The following TCF20 variants were observed in gnomAD, a reference collection of about 807,000 sequenced individuals.
TCF20 encodes SPRE-binding protein.
Under a neutral mutation model 148.6 loss-of-function variants are expected in TCF20, and 3 were observed. The observed-to-expected ratio is 0.02, with a 90% CI of 0.01 to 0.05. TCF20 has a LOEUF of 0.05. Ranked by LOEUF, TCF20 falls within the 10% of genes least tolerant of loss-of-function variation. The pLI, the probability that TCF20 is intolerant of heterozygous loss-of-function variation, is 1.00. For synonymous variants in TCF20, 1,049 were observed against 909.5 expected (o/e 1.15, Z -2.76); for missense variants, 2,350 against 2,429.3 (o/e 0.97, Z 0.69).
At chr22:42,249,075 T>C (rs1925150873) in intron 1 of TCF20, among the ~76,000 whole-genome samples, 1 of 152,208 alleles carries the variant, frequency 6.6e-6, no homozygotes, top group African/African-American at 2.4e-5. Flanking sequence ...GGTGAATTGC[T>C]GAGAGCTAGA....
intron 1 of TCF20, among the ~76,000 whole-genome samples, chr22:42,260,985 T>C (rs1470780895): frequency 1.3e-5 from 2 of 152,162 alleles, no homozygotes; most frequent in African/African-American, 2.4e-5. Flanking sequence ...TTCTATACTC[T>C]AAAAAGTTCC....
At chr22:42,180,718 A>G (rs1936728706) in intron 2 of TCF20, among the ~76,000 whole-genome samples, 1 of 152,216 alleles carries the variant, frequency 6.6e-6, no homozygotes, top group African/African-American at 2.4e-5. Flanking sequence ...AGCGCTCGCC[A>G]CGCTCAGACT....
intron 1 of TCF20, among the ~76,000 whole-genome samples, chr22:42,314,471 C>CGGCAGGCG (rs1033606630): frequency 4.6e-5 from 7 of 152,232 alleles, no homozygotes; most frequent in South Asian, 2.1e-4. Flanking sequence ...ATGCCTCCTG[C>CGGCAGGCG]GGCAGGCGGG....
intron 1 of TCF20, among the ~76,000 whole-genome samples, chr22:42,229,788 G>A (rs1923236029): frequency 6.6e-6 from 1 of 152,176 alleles, no homozygotes; most frequent in Admixed American, 6.5e-5. Context: ...GGCTCAGCTT[G>A]GTGATCTTGC....
chr22:42,173,710 C>A (rs1936273336), intron 3 of TCF20, among the ~76,000 whole-genome samples: 1 of 152,092 alleles, frequency 6.6e-6, no homozygotes. Flanking sequence ...CAGAGCAGTG[C>A]AGGCCTCTGG....
At chr22:42,303,023 G>A (rs971254527) in intron 1 of TCF20, among the ~76,000 whole-genome samples, 8 of 152,288 alleles carry the variant, frequency 5.3e-5, no homozygotes, top group East Asian at 1.9e-4. Context: ...TCCGCCTCCC[G>A]GGTTCAAGCA....
intron 1 of TCF20, among the ~76,000 whole-genome samples, chr22:42,324,969 T>G (rs529752574): frequency 8.0e-4 from 122 of 152,350 alleles, no homozygotes; most frequent in African/African-American, 2.9e-3. Context: ...ATCCCAAAAC[T>G]GGGTTCTCCC....
chr22:42,329,357 C>T (rs1175045246), intron 1 of TCF20, among the ~76,000 whole-genome samples: 1 of 152,234 alleles, frequency 6.6e-6, no homozygotes, highest in African/African-American at 2.4e-5. Flanking sequence ...AACGCACCTG[C>T]CAGGAGAATG....
chr22:42,274,662 A>G (rs1926732388), upstream of TCF20: 1 of 152,262 alleles, frequency 6.6e-6, no homozygotes, highest in South Asian at 2.1e-4. Flanking sequence ...ACAGGGTCCC[A>G]CAGAAACTTC....
In TCF20 at chr22:42,209,325, T is replaced by C. The variant is rs111617539; in HGVS notation, c.5655+326A>G. Reference sequence around the variant, plus strand: ...AGAGAAAGAAATGAAGATGATGATGTTGATGATCTGCCCCAGGATAAGTTA... The same window carrying C: ...AGAGAAAGAAATGAAGATGATGATGCTGATGATCTGCCCCAGGATAAGTTA... On this transcript the variant is annotated intron_variant, in intron 2 of 5. Coordinates refer to ENST00000677622, the MANE Select transcript of TCF20 (RefSeq NM_001378418.1). Among the ~76,000 whole-genome samples the C allele has an allele frequency of 1.3e-4, 20 of 152,346 alleles. 1 individual carries two copies. The highest frequency in any genetic ancestry group is 4.3e-4 in the African/African-American group (18 of 41,586).
At chr22:42,176,381 G>T (rs553589969) in intron 3 of TCF20, among the ~76,000 whole-genome samples, 88 of 152,194 alleles carry the variant, frequency 5.8e-4, no homozygotes, top group African/African-American at 1.9e-3. Flanking sequence ...GGAAGGAAGG[G>T]GGGGGCAGGA....
intron 3 of TCF20, among the ~76,000 whole-genome samples, chr22:42,177,496 C>T (rs1936521712): frequency 6.6e-6 from 1 of 152,218 alleles, no homozygotes; most frequent in Non-Finnish European, 1.5e-5. Context: ...AAAACACCCA[C>T]TGAAGGGACT....
At chr22:42,308,754 G>T (rs1249095423) in intron 1 of TCF20, among the ~76,000 whole-genome samples, 1 of 152,120 alleles carries the variant, frequency 6.6e-6, no homozygotes, top group Non-Finnish European at 1.5e-5. Context: ...ACAGGGGAGG[G>T]AGATCCTCCC....
At chr22:42,307,786 C>T (rs557905766) in intron 1 of TCF20, among the ~76,000 whole-genome samples, 22 of 152,336 alleles carry the variant, frequency 1.4e-4, no homozygotes, top group African/African-American at 3.1e-4. Flanking sequence ...CTCTGAGCCT[C>T]GGTCTCTTCA....
chr22:42,163,630 G>A (rs974631676), intron 5 of TCF20, among the ~76,000 whole-genome samples: 4 of 152,248 alleles, frequency 2.6e-5, no homozygotes, highest in Admixed American at 6.5e-5. Context: ...GTGGCCAGAG[G>A]TGGGACTGGG....
chr22:42,331,453 G>C (rs542823487), intron 1 of TCF20, among the ~76,000 whole-genome samples: 1 of 152,346 alleles, frequency 6.6e-6, no homozygotes, highest in East Asian at 1.9e-4. Context: ...AAGCCACATA[G>C]CCTTGTGGGG....
chr22:42,282,612 G>A (rs776982022), intron 1 of TCF20, among the ~76,000 whole-genome samples: 9 of 152,236 alleles, frequency 5.9e-5, no homozygotes, highest in Admixed American at 1.3e-4. Flanking sequence ...GCAGCTGCGG[G>A]CAGAAGTAGC....
chr22:42,212,341 G>T lies in TCF20; in HGVS notation c.2965C>A (p.Arg989=). The T allele has an allele frequency of 6.2e-7, 1 of 1,614,198 alleles. No homozygotes were observed. Among genetic ancestry groups the T allele is most frequent in the Non-Finnish European group, 8.5e-7 (1 of 1,180,038 alleles). ...CCACCAACTCTGCCAGGGACCCGCC[G>T]CATTGGCGTGGGTCTGCTGTCTTGC... ...GPQDSRPTPM[R]RVPGRVGGRE... is the part of the protein sequence containing the mutation. Residue 989 remains arginine (R), a synonymous_variant, in exon 2 of 6, where the codon CGG becomes AGG. Coordinates refer to ENST00000677622, the MANE Select transcript of TCF20 (RefSeq NM_001378418.1).
At chr22:42,294,413 C>A (rs1305414131) in intron 1 of TCF20, among the ~76,000 whole-genome samples, 1 of 152,178 alleles carries the variant, frequency 6.6e-6, no homozygotes, top group African/African-American at 2.4e-5. Flanking sequence ...GTGCTGAAGA[C>A]TAAAGACTCC....
Sources: gnomAD v4.1 joint callset for allele counts (sites outside exome capture counted in the v4.1 genomes callset) on GRCh38, gnomAD v4.1.1 for gene constraint, MANE v1.5 for transcripts, NCBI Gene and HGNC (gene_info 2026-07-23, HGNC 2026-07-21) for gene names.